The following DDX42 variants were observed in gnomAD, a reference collection of about 807,000 sequenced individuals.
DDX42 encodes ATP-dependent RNA helicase DDX42.
Under a neutral mutation model 101.5 loss-of-function variants are expected in DDX42, and 22 were observed. The ratio of observed to expected loss-of-function variants is 0.22; its 90% CI spans 0.15 to 0.31. The LOEUF is 0.31. Ranked by LOEUF, DDX42 falls within the 10% of genes least tolerant of loss-of-function variation. DDX42 has a pLI of 1.00. For missense variants in DDX42, 849 were observed against 1,199.9 expected, an observed-to-expected ratio of 0.71 and a Z score of 4.32; for synonymous variants, 402 against 401.2, an observed-to-expected ratio of 1.00 and a Z score of -0.02.
intron 1 of DDX42, among the ~76,000 whole-genome samples, chr17:63,780,034 C>T (rs1246745570): frequency 1.3e-5 from 2 of 152,200 alleles, no homozygotes; most frequent in South Asian, 2.1e-4. Flanking sequence ...CGGTGGCTCA[C>T]GCCTGTAATC....
intron 7 of DDX42, 78 bp from the exon 8 acceptor site, chr17:63,806,457 C>T (rs1475397579): frequency 6.9e-6 from 10 of 1,445,240 alleles, no homozygotes; most frequent in Non-Finnish European, 9.2e-6. Flanking sequence ...AATGCTAGAT[C>T]CAGGTAAGTA....
chr17:63,790,887 C>T (rs939352013), intron 2 of DDX42, among the ~76,000 whole-genome samples: 1 of 152,196 alleles, frequency 6.6e-6, no homozygotes, highest in Non-Finnish European at 1.5e-5. Flanking sequence ...GCACAGAGAT[C>T]ACGCCGCTGC....
intron 6 of DDX42, among the ~76,000 whole-genome samples, chr17:63,803,734 C>T (rs1482271728): frequency 6.6e-6 from 1 of 151,686 alleles, no homozygotes; most frequent in Non-Finnish European, 1.5e-5. Flanking sequence ...GCAACCTCCT[C>T]CTCCTCCCGG....
rs181984415 is a variant in DDX42, at chr17:63,800,256, A to G, written c.472-212A>G. The G allele has an allele frequency of 3.1e-4, 147 of 480,648 alleles. No individual in the cohort carries two copies. In the East Asian group the frequency reaches 4.4e-3, roughly 14 times the overall value. The allele number at this position is 480,648 out of a possible 1,614,324, so 29.8% of individuals were successfully genotyped here. A position where few individuals can be genotyped will look rare whatever the true frequency, so the allele number is the denominator to read the frequency against. On this transcript the variant is annotated intron_variant, in intron 5 of 17. Transcript: ENST00000389924. Reference sequence around the variant, plus strand: ...TAAGTCTTCTATTAAACAAGTTGCAACATTTAATAGTACTAACTGTTTAAT... The same window carrying G: ...TAAGTCTTCTATTAAACAAGTTGCAGCATTTAATAGTACTAACTGTTTAAT...
In DDX42 at chr17:63,805,222, C is replaced by A. The variant is rs370566085; in HGVS notation, c.726+47C>A. 3.5e-5 allele frequency: 55 copies of A among 1,590,218 alleles called. No homozygotes were observed. In the African/African-American group the frequency reaches 5.7e-4, roughly 17 times the overall value. On this transcript the variant is annotated intron_variant, in intron 7 of 17. Coordinates refer to ENST00000389924, the MANE Select transcript of DDX42 (RefSeq NM_203499.3). ...ATTCTTAATATTAATGTTAATTAGT[C>A]CAGATTTAGTATTATTGGTTATCTA... is the stretch of plus-strand genomic sequence containing the variant.
intron 6 of DDX42, among the ~76,000 whole-genome samples, chr17:63,801,032 C>T (rs1217724371): frequency 7.3e-6 from 1 of 137,512 alleles, no homozygotes; most frequent in Non-Finnish European, 1.6e-5. Flanking sequence ...TTCTTCTCTT[C>T]TCTTTCTTCT....
intron 1 of DDX42, among the ~76,000 whole-genome samples, chr17:63,783,748 T>C (rs967648377): frequency 2.0e-5 from 3 of 152,106 alleles, no homozygotes; most frequent in African/African-American, 7.2e-5. Flanking sequence ...AAGTAGAGAT[T>C]GATGTAGTGT....
In DDX42 at chr17:63,800,506, T is replaced by G; in HGVS notation, c.510T>G (p.Ala170=). 1 of 1,614,086 alleles carries G rather than the reference T, an allele frequency of 6.2e-7. No homozygotes were observed. Among genetic ancestry groups the G allele is most frequent in the South Asian group, 1.1e-5 (1 of 91,060 alleles). The part of the protein sequence containing the change: ...YFRYMAENPT[A]GVVQEEEEDN... The stretch of plus-strand genomic sequence containing the variant: ...GATACATGGCAGAAAACCCAACTGC[T>G]GGTGTGGTTCAGGAGGAAGAGGAAG... The change falls in exon 6 of 18, where the codon GCT becomes GCG. Residue 170 remains alanine, a synonymous_variant. Coordinates refer to ENST00000389924, the MANE Select transcript of DDX42 (RefSeq NM_203499.3).
intron 2 of DDX42, among the ~76,000 whole-genome samples, chr17:63,789,553 GTTTT>G (rs1567732957): frequency 0.16 from 4,582 of 28,514 alleles, 439 homozygotes; most frequent in African/African-American, 0.42. Flanking sequence ...AGACTTTTTT[GTTTT>G]TGTTTTTGTT....
In DDX42 at chr17:63,818,617, T is replaced by C. The variant is rs548850963; in HGVS notation, c.*219T>C. 7.7e-6 allele frequency: 4 copies of C among 519,694 alleles called. No individual in the cohort carries two copies. The highest frequency in any genetic ancestry group is 6.5e-5 in the Admixed American group (2 of 30,582). The allele number at this position is 519,694 out of a possible 1,614,324, so 32.2% of individuals were successfully genotyped here. On this transcript the variant is annotated 3_prime_UTR_variant, in exon 18 of 18. Transcript: ENST00000389924. ...TGGAAGCAGTGAGAGCTGGGAAGCT[T>C]CTTTTGGCTCTAGGTGAGTTGTCAT...
At chr17:63,796,562 C>T (rs1282378039) in intron 3 of DDX42, among the ~76,000 whole-genome samples, 4 of 152,226 alleles carry the variant, frequency 2.6e-5, no homozygotes, top group South Asian at 2.1e-4. Context: ...GTGATCTGCC[C>T]GCCTTGGCCT....
intron 13 of DDX42, 33 bp from the exon 14 acceptor site, chr17:63,811,899 T>C: frequency 6.2e-7 from 1 of 1,613,898 alleles, no homozygotes; most frequent in East Asian, 2.2e-5. Flanking sequence ...GGCTCCAATG[T>C]CACAATCATC....
chr17:63,792,863 A>G (rs1158180795), intron 3 of DDX42, among the ~76,000 whole-genome samples: 2 of 152,194 alleles, frequency 1.3e-5, no homozygotes, highest in Admixed American at 6.5e-5. Flanking sequence ...TTAATATTCA[A>G]TCTAGCATTT....
At chr17:63,786,065 A>G (rs543091418) in intron 1 of DDX42, among the ~76,000 whole-genome samples, 31 of 152,326 alleles carry the variant, frequency 2.0e-4, no homozygotes, top group Admixed American at 7.2e-4. Flanking sequence ...GCTTAATAAG[A>G]TGTTAATTAG....
At chr17:63,801,392 G>C (rs1233558349) in intron 6 of DDX42, among the ~76,000 whole-genome samples, 1 of 152,000 alleles carries the variant, frequency 6.6e-6, no homozygotes, top group Non-Finnish European at 1.5e-5. Context: ...GTTTTGGCCT[G>C]TGTTTACTGT....
Position 63,812,077 on chromosome 17 carries a change from C to T in DDX42, c.1544C>T (p.Ala515Val), listed in dbSNP as rs752372915. ...AAAAAAGCCAATGCTGAAGAGCTAG[C>T]GAATAACCTTAAACAGGAGGGTCAT... ...VTKKANAEEL[A>V]NNLKQEGHNL... Residue 515 changes from alanine to valine, a missense_variant, in exon 14 of 18, where the codon GCG (alanine) becomes GTG (valine). By Grantham distance (64) the Ala-to-Val change is moderately conservative. Coordinates refer to ENST00000389924, the MANE Select transcript of DDX42 (RefSeq NM_203499.3). 9 of 1,614,040 alleles carry T rather than the reference C, an allele frequency of 5.6e-6. No individual in the cohort carries two copies. The highest frequency in any genetic ancestry group is 2.2e-5 in the East Asian group (1 of 44,904).
intron 1 of DDX42, among the ~76,000 whole-genome samples, chr17:63,781,537 C>T (rs1036004065): frequency 6.6e-6 from 1 of 151,928 alleles, no homozygotes; most frequent in Non-Finnish European, 1.5e-5. Flanking sequence ...CTTAACTTAC[C>T]TAACTTCTCT....
chr17:63,796,459 G>A (rs2039693742), intron 3 of DDX42, among the ~76,000 whole-genome samples: 1 of 152,166 alleles, frequency 6.6e-6, no homozygotes, highest in Non-Finnish European at 1.5e-5. Flanking sequence ...TGAGATTACA[G>A]GCATGTGCCA....
intron 1 of DDX42, among the ~76,000 whole-genome samples, chr17:63,775,753 GA>G (rs778266090): frequency 2.0e-5 from 3 of 152,174 alleles, no homozygotes; most frequent in Non-Finnish European, 2.9e-5. Context: ...GGAGTGAGCG[GA>G]ACAACCAAAG....
Sources: allele counts gnomAD v4.1 joint callset (sites outside exome capture counted in the v4.1 genomes callset), GRCh38; gene constraint gnomAD v4.1.1; transcripts MANE v1.5; gene names NCBI Gene and HGNC (gene_info 2026-07-23, HGNC 2026-07-21).